Variants in ADAMTSL1 observed in about 807,000 individuals in gnomAD.
ADAMTSL1 encodes ADAMTS like 1.
A neutral mutation model predicts 201.8 loss-of-function variants in ADAMTSL1; 126 were observed. The observed-to-expected ratio is 0.62, with a 90% CI of 0.54 to 0.72. The LOEUF (loss-of-function observed/expected upper bound fraction) is 0.72, where lower values mean the gene tolerates loss of function less well. Among genes scored for constraint, ADAMTSL1 ranks in the 30% least tolerant of loss-of-function variants. The probability of loss-of-function intolerance (pLI) is 0.00; values close to 1 mark genes in which losing one functional copy is unlikely to be tolerated. For synonymous variants in ADAMTSL1, 1,121 were observed against 903.4 expected (o/e 1.24, Z -4.32); for missense variants, 2,679 against 2,277.8 (o/e 1.18, Z -3.59).
chr9:18,462,053 A>T (rs1424095865), intron 2 of ADAMTSL1, among the ~76,000 whole-genome samples: 3 of 152,172 alleles, frequency 2.0e-5, no homozygotes, highest in African/African-American at 7.2e-5. Context: ...TCTGTGTATA[A>T]GTGGATCTGT....
At chr9:18,094,727 A>T (rs1307336629) in intron 1 of ADAMTSL1, among the ~76,000 whole-genome samples, 1 of 146,074 alleles carries the variant, frequency 6.8e-6, no homozygotes, top group Admixed American at 6.8e-5. Flanking sequence ...TGCCCAGCTA[A>T]TTTTTTTTTT....
At position 18,101,882 on chromosome 9, in the gene ADAMTSL1, CA is replaced by C. The variant is rs1314578836; in HGVS notation, c.88-61979del. On this transcript the variant is annotated intron_variant, in intron 1 of 29. Transcript: ENST00000680146. ...AGAGGATGGGGTTGCTCTCCCACAT[CA>C]GTGTTTCTTCTTGGTGAGAAGGTTG... Among the ~76,000 whole-genome samples the C allele has an allele frequency of 9.2e-5, 14 of 152,246 alleles. No individual in the cohort carries two copies. The South Asian group carries it at 1.0e-3, about 11-fold the overall frequency.
chr9:18,267,834 T>C (rs570276887), intron 2 of ADAMTSL1, among the ~76,000 whole-genome samples: 1 of 148,744 alleles, frequency 6.7e-6, no homozygotes, highest in African/African-American at 2.5e-5. Context: ...GAAACCAGGA[T>C]TTTGTCTTGT....
intron 1 of ADAMTSL1, among the ~76,000 whole-genome samples, chr9:18,489,781 G>A (rs889900292): frequency 4.6e-5 from 7 of 152,062 alleles, no homozygotes; most frequent in Admixed American, 6.6e-5. Context: ...CCAAATGACC[G>A]ACTTACCCAA....
At chr9:18,144,753 G>C (rs1486331275) in intron 1 of ADAMTSL1, among the ~76,000 whole-genome samples, 1 of 152,114 alleles carries the variant, frequency 6.6e-6, no homozygotes, top group Non-Finnish European at 1.5e-5. Flanking sequence ...GAATGACAGA[G>C]TGGCCCAAAG....
chr9:18,266,836 A>G (rs1409919179), intron 2 of ADAMTSL1, among the ~76,000 whole-genome samples: 3 of 152,154 alleles, frequency 2.0e-5, no homozygotes, highest in Non-Finnish European at 4.4e-5. Flanking sequence ...AGACAGATGA[A>G]AAAAGAGTTG....
chr9:18,851,200 A>G (rs1826472328), intron 23 of ADAMTSL1, among the ~76,000 whole-genome samples: 1 of 152,126 alleles, frequency 6.6e-6, no homozygotes, highest in African/African-American at 2.4e-5. Context: ...GGGAGCAGAG[A>G]TGTGCAAGGT....
At chr9:18,622,155 G>A in intron 4 of ADAMTSL1, 88 bp from the exon 5 acceptor site, 2 of 1,534,810 alleles carry the variant, frequency 1.3e-6, no homozygotes, top group South Asian at 2.5e-5. Flanking sequence ...AGGGATGAAG[G>A]GAGGGTTATT....
At chr9:18,368,673 T>C (rs993163941) in intron 2 of ADAMTSL1, among the ~76,000 whole-genome samples, 4 of 152,202 alleles carry the variant, frequency 2.6e-5, no homozygotes, top group Non-Finnish European at 4.4e-5. Flanking sequence ...TTATTTTTAA[T>C]GGGCAATCAC....
chr9:18,717,670 T>G (rs1833036879), intron 14 of ADAMTSL1, among the ~76,000 whole-genome samples: 1 of 152,216 alleles, frequency 6.6e-6, no homozygotes, highest in Non-Finnish European at 1.5e-5. Context: ...CAGTACACCA[T>G]TTTCATACAT....
chr9:18,702,754 C>G (rs1831992748), intron 13 of ADAMTSL1, among the ~76,000 whole-genome samples: 1 of 151,574 alleles, frequency 6.6e-6, no homozygotes, highest in South Asian at 2.1e-4. Flanking sequence ...AGTAGTGTTG[C>G]TAACAAAAAG....
intron 2 of ADAMTSL1, among the ~76,000 whole-genome samples, chr9:18,277,865 A>G (rs1316352375): frequency 6.6e-6 from 1 of 151,994 alleles, no homozygotes; most frequent in Non-Finnish European, 1.5e-5. Flanking sequence ...AATTTATTCT[A>G]TTATTCCTCT....
chr9:17,976,984 G>A (rs1818478556), intron 1 of ADAMTSL1, among the ~76,000 whole-genome samples: 1 of 151,932 alleles, frequency 6.6e-6, no homozygotes, highest in African/African-American at 2.4e-5. Context: ...TAGTCTTTAT[G>A]AGGTTGAGGC....
chr9:18,605,015 T>C (rs980488279), intron 4 of ADAMTSL1, among the ~76,000 whole-genome samples: 4 of 152,188 alleles, frequency 2.6e-5, no homozygotes, highest in Non-Finnish European at 5.9e-5. Flanking sequence ...ACATGCTCAC[T>C]GTAGTGGAGA....
chr9:18,607,578 A>G (rs202066417), intron 4 of ADAMTSL1, among the ~76,000 whole-genome samples: 1 of 45,340 alleles, frequency 2.2e-5, no homozygotes, highest in African/African-American at 6.3e-5. Flanking sequence ...TTCTTTTATT[A>G]TTATTATTAT....
intron 2 of ADAMTSL1, among the ~76,000 whole-genome samples, chr9:18,418,813 G>A (rs1368307140): frequency 1.3e-5 from 2 of 152,186 alleles, no homozygotes; most frequent in Non-Finnish European, 1.5e-5. Context: ...ACAATCCTAT[G>A]AGGATATTCT....
intron 3 of ADAMTSL1, among the ~76,000 whole-genome samples, chr9:18,550,263 C>T (rs907521072): frequency 6.6e-6 from 1 of 151,624 alleles, no homozygotes; most frequent in African/African-American, 2.4e-5. Flanking sequence ...ATTAAGGTTG[C>T]AGACCTTAAG....
intron 1 of ADAMTSL1, among the ~76,000 whole-genome samples, chr9:18,029,705 AAAAC>A (rs1270502209): frequency 8.5e-5 from 13 of 152,330 alleles, no homozygotes; most frequent in African/African-American, 2.2e-4. Context: ...TTACAAGAAA[AAAAC>A]AAACAACCCC....
intron 20 of ADAMTSL1, among the ~76,000 whole-genome samples, chr9:18,809,958 G>A (rs969043912): frequency 6.6e-6 from 1 of 152,190 alleles, no homozygotes; most frequent in Non-Finnish European, 1.5e-5. Context: ...CAGAAGACCA[G>A]TTAGTCTGTA....
Sources: allele counts gnomAD v4.1 joint callset (sites outside exome capture counted in the v4.1 genomes callset), GRCh38; gene constraint gnomAD v4.1.1; transcripts MANE v1.5; gene names NCBI Gene and HGNC (gene_info 2026-07-23, HGNC 2026-07-21).